The following SEC22A variants were observed in gnomAD, a reference collection of about 807,000 sequenced individuals.
The protein encoded by SEC22A is vesicle-trafficking protein SEC22a.
In SEC22A, 22 loss-of-function variants were observed where a neutral mutation model predicts 35.3. The observed-to-expected ratio is 0.62, with a 90% confidence interval of 0.45 to 0.89. The LOEUF (loss-of-function observed/expected upper bound fraction) is 0.89, where lower values mean the gene tolerates loss of function less well. Ranked by LOEUF, SEC22A falls within the 40% of genes least tolerant of loss-of-function variation. The pLI is 0.00. For missense variants in SEC22A, 354 were observed against 362.5 expected, an observed-to-expected ratio of 0.98 and a Z score of 0.19; for synonymous variants, 119 against 129.5, an observed-to-expected ratio of 0.92 and a Z score of 0.55.
At chr3:123,215,985 A>G (rs1937014703) in intron 2 of SEC22A, among the ~76,000 whole-genome samples, 1 of 152,180 alleles carries the variant, frequency 6.6e-6, no homozygotes, top group Non-Finnish European at 1.5e-5. Flanking sequence ...AAATGCAACC[A>G]ACCTATAACT....
intron 5 of SEC22A, among the ~76,000 whole-genome samples, chr3:123,256,759 T>TTC (rs202113108): frequency 0.037 from 4,655 of 124,180 alleles, 370 homozygotes; most frequent in African/African-American, 0.13. Flanking sequence ...TTTTCTTTCC[T>TTC]TTTTTTTTTT....
intron 6 of SEC22A, among the ~76,000 whole-genome samples, chr3:123,263,907 C>T (rs1937959943): frequency 6.7e-6 from 1 of 149,102 alleles, no homozygotes; most frequent in South Asian, 2.1e-4. Context: ...ATTCAATGTA[C>T]TATTAAATGA....
At chr3:123,217,725 A>G (rs1280316873) in intron 2 of SEC22A, among the ~76,000 whole-genome samples, 1 of 152,230 alleles carries the variant, frequency 6.6e-6, no homozygotes, top group Non-Finnish European at 1.5e-5. Flanking sequence ...TCAGTTTGTA[A>G]TACTAAATCA....
chr3:123,239,819 G>A (rs1937493873), intron 4 of SEC22A, among the ~76,000 whole-genome samples: 1 of 152,130 alleles, frequency 6.6e-6, no homozygotes, highest in South Asian at 2.1e-4. Flanking sequence ...CTGTGCAGAA[G>A]CTCTTTAGTT....
intron 5 of SEC22A, among the ~76,000 whole-genome samples, chr3:123,255,361 T>C (rs2108090831): frequency 6.6e-6 from 1 of 152,296 alleles, no homozygotes; most frequent in African/African-American, 2.4e-5. Context: ...CTTTACATAG[T>C]GGCATTCTCC....
chr3:123,272,707 C>T lies in SEC22A; in HGVS notation c.*985C>T, dbSNP rs1461433938. 6.5e-6 allele frequency: 1 copy of T among 153,634 alleles called. No homozygotes were observed. The allele number at this position is 153,634 out of a possible 1,614,324, so 9.5% of individuals were successfully genotyped here. A position where few individuals can be genotyped will look rare whatever the true frequency, so the allele number is the denominator to read the frequency against. On this transcript the variant is annotated 3_prime_UTR_variant, in exon 7 of 7. Coordinates refer to ENST00000492595, the MANE Select transcript of SEC22A (RefSeq NM_012430.5). The stretch of plus-strand genomic sequence containing the variant: ...CCAGCACCAGCATGAGGCACTGTCT[C>T]TGGAATAGTCAGAGGATAAAAGGAA...
chr3:123,206,158 A>T (rs374954574), intron 1 of SEC22A, among the ~76,000 whole-genome samples: 2 of 152,320 alleles, frequency 1.3e-5, no homozygotes, highest in South Asian at 2.1e-4. Flanking sequence ...CCCAGGTTGG[A>T]CTGCAGTGGC....
chr3:123,248,568 CAAAT>C (rs147467287), intron 5 of SEC22A, among the ~76,000 whole-genome samples: 3,234 of 152,098 alleles, frequency 0.021, 107 homozygotes, highest in African/African-American at 0.074. Flanking sequence ...AAACTCTGAT[CAAAT>C]AAATCAAAGA....
chr3:123,253,605 C>T (rs1472190546), intron 5 of SEC22A, among the ~76,000 whole-genome samples: 3 of 151,412 alleles, frequency 2.0e-5, no homozygotes, highest in African/African-American at 4.9e-5. Flanking sequence ...CCAGTTACTC[C>T]GCAGGCTGAG....
intron 2 of SEC22A, among the ~76,000 whole-genome samples, chr3:123,221,041 A>G (rs774919528): frequency 6.6e-6 from 1 of 151,774 alleles, no homozygotes; most frequent in Non-Finnish European, 1.5e-5. Flanking sequence ...AGTGCAGTAT[A>G]CCCTTTTATT....
chr3:123,209,141 A>G (rs1467962516), intron 1 of SEC22A, 58 bp from the exon 2 acceptor site: 2 of 1,343,192 alleles, frequency 1.5e-6, no homozygotes, highest in African/African-American at 1.4e-5. Context: ...ATTTTTACAT[A>G]TGCTTATCAA....
intron 5 of SEC22A, among the ~76,000 whole-genome samples, chr3:123,250,887 G>T (rs1391230954): frequency 6.6e-6 from 1 of 152,140 alleles, no homozygotes; most frequent in Non-Finnish European, 1.5e-5. Context: ...GTTAGGAACT[G>T]GACAGATGGA....
intron 3 of SEC22A, among the ~76,000 whole-genome samples, chr3:123,224,606 G>A (rs1192053974): frequency 6.6e-6 from 1 of 152,032 alleles, no homozygotes; most frequent in African/African-American, 2.4e-5. Context: ...GACCACCCTG[G>A]GCAACATAGA....
chr3:123,223,356 T>C (rs1937162807), intron 2 of SEC22A, among the ~76,000 whole-genome samples: 1 of 152,228 alleles, frequency 6.6e-6, no homozygotes, highest in African/African-American at 2.4e-5. Context: ...TACATTCTAT[T>C]TTTTGTCTTC....
chr3:123,237,288 A>G (rs9876404), intron 4 of SEC22A, among the ~76,000 whole-genome samples: 1 of 152,094 alleles, frequency 6.6e-6, no homozygotes, highest in Non-Finnish European at 1.5e-5. Context: ...AATGCTTCTG[A>G]TTTTCTCTAT....
chr3:123,208,863 C>T (rs533731346), intron 1 of SEC22A: 93 of 236,870 alleles, frequency 3.9e-4, no homozygotes, highest in Non-Finnish European at 6.8e-4. Context: ...GACGCGATTT[C>T]GGCTCACTGC....
intron 4 of SEC22A, among the ~76,000 whole-genome samples, chr3:123,243,356 T>C (rs1937541122): frequency 6.6e-6 from 1 of 152,178 alleles, no homozygotes; most frequent in Non-Finnish European, 1.5e-5. Context: ...ACTTGGTGCC[T>C]GGCGTGTTGA....
intron 4 of SEC22A, among the ~76,000 whole-genome samples, chr3:123,230,833 G>A (rs966028417): frequency 2.0e-5 from 3 of 151,390 alleles, no homozygotes; most frequent in South Asian, 2.1e-4. Context: ...GATTTAAAAA[G>A]TGTTAATATA....
intron 5 of SEC22A, among the ~76,000 whole-genome samples, chr3:123,258,714 A>C (rs1377027037): frequency 3.4e-5 from 5 of 145,752 alleles, no homozygotes; most frequent in African/African-American, 1.3e-4. Context: ...ATCATTGTAT[A>C]AAGAGGTTTT....
Sources: gnomAD v4.1 joint callset for allele counts (sites outside exome capture counted in the v4.1 genomes callset) on GRCh38, gnomAD v4.1.1 for gene constraint, MANE v1.5 for transcripts, NCBI Gene and HGNC (gene_info 2026-07-23, HGNC 2026-07-21) for gene names.